The following PIK3C2G variants were observed in gnomAD, a reference collection of about 807,000 sequenced individuals.
PIK3C2G encodes the protein phosphatidylinositol 3-kinase C2 domain-containing subunit gamma.
Under a neutral mutation model 181.1 loss-of-function variants are expected in PIK3C2G, and 168 were observed. The observed-to-expected ratio is 0.93, with a 90% CI of 0.82 to 1.05. The LOEUF (loss-of-function observed/expected upper bound fraction) is 1.05, where lower values mean the gene tolerates loss of function less well. Ranked by LOEUF, PIK3C2G falls within the 50% of genes least tolerant of loss-of-function variation. The pLI is 0.00. For missense variants in PIK3C2G, 1,869 were observed against 1,732.8 expected (o/e 1.08, Z -1.40); for synonymous variants, 573 against 592.2 (o/e 0.97, Z 0.47).
Position 18,338,526 on chromosome 12 carries a change from T to C in PIK3C2G, c.1373T>C (p.Leu458Pro). Residue 458 changes from leucine to proline, a missense_variant, in exon 9 of 33, where the codon CTA (leucine) becomes CCA (proline). Transcript: ENST00000538779. The part of the protein sequence containing the change: ...QITDAVNELS[L>P]ILQRKGENFY... ...ACAGATGCAGTAAATGAACTAAGTC[T>C]AATTCTTCAGAGAAAAGGAGAGGTA... The C allele has an allele frequency of 6.3e-7, 1 of 1,592,204 alleles. No individual in the cohort carries two copies. The highest frequency in any genetic ancestry group is 8.6e-7 in the Non-Finnish European group (1 of 1,160,496).
intron 22 of PIK3C2G, 35 bp from the exon 23 acceptor site, chr12:18,503,246 G>T (rs539169507): frequency 1.3e-6 from 2 of 1,535,542 alleles, no homozygotes; most frequent in Non-Finnish European, 1.8e-6. Flanking sequence ...TTGTGATGAA[G>T]GAATTGTCTC....
At chr12:18,362,050 C>T (rs536266230) in intron 11 of PIK3C2G, among the ~76,000 whole-genome samples, 1 of 152,100 alleles carries the variant, frequency 6.6e-6, no homozygotes, top group East Asian at 1.9e-4. Context: ...ACAGACAAGA[C>T]AGAAACTAGT....
chr12:18,458,876 G>A (rs531194857), intron 18 of PIK3C2G, among the ~76,000 whole-genome samples: 87 of 151,512 alleles, frequency 5.7e-4, no homozygotes, highest in African/African-American at 1.9e-3. Flanking sequence ...AAAAGGAAGC[G>A]GGGAGGGGCT....
intron 24 of PIK3C2G, among the ~76,000 whole-genome samples, chr12:18,522,287 C>G (rs1942969856): frequency 6.6e-6 from 1 of 152,188 alleles, no homozygotes; most frequent in Non-Finnish European, 1.5e-5. Context: ...TACACACCAC[C>G]CTTAGAGTGT....
the PIK3C2G span, among the ~76,000 whole-genome samples, chr12:18,681,364 AT>A: frequency 3.9e-5 from 6 of 152,066 alleles, no homozygotes; most frequent in African/African-American, 1.4e-4. Context: ...TCAAGGGTTC[AT>A]TTAGCCTTTT....
upstream of PIK3C2G, among the ~76,000 whole-genome samples, chr12:18,243,816 A>G (rs1213494330): frequency 1.3e-5 from 2 of 152,022 alleles, no homozygotes; most frequent in Non-Finnish European, 2.9e-5. Context: ...AATGTAAATT[A>G]GGTTTCTAGA....
chr12:18,274,584 A>G (rs1948895379), intron 1 of PIK3C2G, among the ~76,000 whole-genome samples: 1 of 152,116 alleles, frequency 6.6e-6, no homozygotes. Context: ...GTTCTCACTT[A>G]TAGGTGGGAA....
At chr12:18,379,535 CAG>C (rs1942691923) in intron 13 of PIK3C2G, among the ~76,000 whole-genome samples, 1 of 152,144 alleles carries the variant, frequency 6.6e-6, no homozygotes, top group Non-Finnish European at 1.5e-5. Flanking sequence ...CTGGGTCACT[CAG>C]ATAAATTTCT....
At chr12:18,609,734 C>G (rs1040988301) in intron 31 of PIK3C2G, 105 bp downstream of exon 31, 2 of 657,956 alleles carry the variant, frequency 3.0e-6, no homozygotes, top group Admixed American at 5.2e-5. Flanking sequence ...TGGGTATCTC[C>G]GCCAAGTTTA....
At chr12:18,533,261 G>A (rs1943653374) in intron 24 of PIK3C2G, among the ~76,000 whole-genome samples, 1 of 152,030 alleles carries the variant, frequency 6.6e-6, no homozygotes, top group African/African-American at 2.4e-5. Context: ...ATCTGCATTT[G>A]TATGTCTCAA....
chr12:18,546,209 T>C (rs1565494452), intron 25 of PIK3C2G, 114 bp from the exon 26 acceptor site: 3 of 647,698 alleles, frequency 4.6e-6, no homozygotes, highest in Non-Finnish European at 8.3e-6. Flanking sequence ...CTGAAAGACA[T>C]TGCCATGCAA....
Position 18,514,302 on chromosome 12 carries a change from A to G in PIK3C2G, c.3323+8841A>G, listed in dbSNP as rs1437681144. On this transcript the variant is annotated intron_variant, in intron 24 of 32. Transcript: ENST00000538779. ...TGCACCTGAGAAGAATGGGTATCCT[A>G]CTGCTATTGGATGGAATGTTTTGTA... Among the ~76,000 whole-genome samples the G allele has an allele frequency of 8.6e-5, 13 of 151,848 alleles. 1 individual carries two copies. The highest frequency in any genetic ancestry group is 8.5e-4 in the Admixed American group (13 of 15,230).
chr12:18,405,219 A>T lies in PIK3C2G; in HGVS notation c.2315+5372A>T, dbSNP rs974341520. ...GAAGATGCCTGGTATGCAGTTGTGT[A>T]TACAGGTCTGAATTTTAGCAGATAA... On this transcript the variant is annotated intron_variant, in intron 16 of 32. Transcript: ENST00000538779. Among the ~76,000 whole-genome samples the T allele has an allele frequency of 2.7e-4, 41 of 152,206 alleles. 1 individual carries two copies. Among genetic ancestry groups the T allele is most frequent in the African/African-American group, 9.6e-4 (40 of 41,460 alleles).
intron 28 of PIK3C2G, among the ~76,000 whole-genome samples, chr12:18,565,971 A>C (rs1945614876): frequency 6.6e-6 from 1 of 152,188 alleles, no homozygotes; most frequent in South Asian, 2.1e-4. Context: ...TCTATCTTCT[A>C]TGCTATATGC....
At chr12:18,614,043 A>G (rs1948477691) in intron 31 of PIK3C2G, among the ~76,000 whole-genome samples, 1 of 152,106 alleles carries the variant, frequency 6.6e-6, no homozygotes, top group Admixed American at 6.6e-5. Flanking sequence ...GTTGTTTTTT[A>G]AAATCTAGAT....
chr12:18,586,209 A>G (rs943742364), intron 29 of PIK3C2G, among the ~76,000 whole-genome samples: 3 of 152,106 alleles, frequency 2.0e-5, no homozygotes, highest in African/African-American at 4.8e-5. Flanking sequence ...ACCAAGCAAT[A>G]TGAAATAACC....
chr12:18,543,642 A>G (rs1944280112), intron 25 of PIK3C2G, among the ~76,000 whole-genome samples: 1 of 152,008 alleles, frequency 6.6e-6, no homozygotes, highest in South Asian at 2.1e-4. Flanking sequence ...TTTGTTGAAT[A>G]GGGAGTCCTT....
intron 16 of PIK3C2G, among the ~76,000 whole-genome samples, chr12:18,415,092 T>A (rs1011252499): frequency 6.6e-6 from 1 of 152,232 alleles, no homozygotes; most frequent in African/African-American, 2.4e-5. Flanking sequence ...TTACTAATTT[T>A]TTGTTCTCCT....
chr12:18,261,233 C>A (rs150134303), upstream of PIK3C2G, among the ~76,000 whole-genome samples: 5 of 152,138 alleles, frequency 3.3e-5, no homozygotes, highest in Non-Finnish European at 5.9e-5. Flanking sequence ...AATATGCCCA[C>A]CTTACACATT....
Sources: gnomAD v4.1 joint callset for allele counts (sites outside exome capture counted in the v4.1 genomes callset) on GRCh38, gnomAD v4.1.1 for gene constraint, MANE v1.5 for transcripts, NCBI Gene and HGNC (gene_info 2026-07-23, HGNC 2026-07-21) for gene names.